Variants in ANKS1B observed in about 807,000 individuals in gnomAD.
The protein encoded by ANKS1B is ankyrin repeat and sterile alpha motif domain-containing protein 1B.
In ANKS1B, 36 loss-of-function variants were observed where a neutral mutation model predicts 148.3. That is an observed-to-expected ratio of 0.24 (90% CI 0.19 to 0.32). The LOEUF is 0.32. Ranked by LOEUF, ANKS1B falls within the 10% of genes least tolerant of loss-of-function variation. The probability of loss-of-function intolerance (pLI) is 1.00; values close to 1 mark genes in which losing one functional copy is unlikely to be tolerated. For synonymous variants in ANKS1B, 542 were observed against 560.8 expected (o/e 0.97, Z 0.47); for missense variants, 1,157 against 1,542.6 (o/e 0.75, Z 4.19).
chr12:99,942,931 T>C (rs533027161), intron 1 of ANKS1B, among the ~76,000 whole-genome samples: 4 of 152,270 alleles, frequency 2.6e-5, no homozygotes, highest in Non-Finnish European at 5.9e-5. Context: ...CTTATCTGTG[T>C]TATCAGGGTA....
At chr12:99,977,702 T>G (rs2095646155) in intron 1 of ANKS1B, among the ~76,000 whole-genome samples, 1 of 152,162 alleles carries the variant, frequency 6.6e-6, no homozygotes, top group Admixed American at 6.5e-5. Context: ...ACAAGAAAAT[T>G]CAATGAGTTT....
chr12:99,677,333 TG>T (rs2098582159), intron 8 of ANKS1B, among the ~76,000 whole-genome samples: 1 of 151,788 alleles, frequency 6.6e-6, no homozygotes, highest in African/African-American at 2.4e-5. Flanking sequence ...CCAAACTGTT[TG>T]TTTTTTTATT....
At chr12:99,374,081 T>C (rs1742274945) in intron 12 of ANKS1B, among the ~76,000 whole-genome samples, 2 of 152,206 alleles carry the variant, frequency 1.3e-5, no homozygotes, top group Admixed American at 6.5e-5. Context: ...CTAGCTTAGG[T>C]TGTTTTAATC....
Position 99,872,157 on chromosome 12 carries a change from G to A in ANKS1B, c.135-46768C>T, listed in dbSNP as rs145104288. The stretch of plus-strand genomic sequence containing the variant: ...AAGAACTACTCATGTATTTCCAGGC[G>A]GAGTATAAATTTTTTACAGCCACTC... On this transcript the variant is annotated intron_variant, in intron 1 of 26. Coordinates refer to ENST00000683438, the MANE Select transcript of ANKS1B (RefSeq NM_001352186.2). Among the ~76,000 whole-genome samples the A allele has an allele frequency of 9.4e-3, 1,428 of 152,100 alleles. 13 individuals carry two copies. The highest frequency in any genetic ancestry group is 0.014 in the Non-Finnish European group (981 of 67,926).
intron 10 of ANKS1B, among the ~76,000 whole-genome samples, chr12:99,446,004 T>C (rs988756575): frequency 6.6e-6 from 1 of 151,960 alleles, no homozygotes; most frequent in African/African-American, 2.4e-5. Flanking sequence ...ATTATAGCCA[T>C]GAGCCACTGC....
At chr12:98,859,824 G>A (rs898467929) in intron 17 of ANKS1B, among the ~76,000 whole-genome samples, 4 of 152,152 alleles carry the variant, frequency 2.6e-5, no homozygotes, top group African/African-American at 4.8e-5. Context: ...GGCCTTTTGG[G>A]AGGGAGGCTT....
intron 9 of ANKS1B, among the ~76,000 whole-genome samples, chr12:99,565,227 A>T (rs2097375955): frequency 6.6e-6 from 1 of 152,196 alleles, no homozygotes; most frequent in Non-Finnish European, 1.5e-5. Context: ...GAAATAGAGG[A>T]CATAGTGGTA....
intron 10 of ANKS1B, among the ~76,000 whole-genome samples, chr12:99,460,154 T>C (rs758440169): frequency 1.3e-5 from 2 of 151,778 alleles, no homozygotes; most frequent in African/African-American, 4.8e-5. Context: ...CAAACAAAAA[T>C]ATAAAGTGCA....
In ANKS1B at chr12:99,069,392, A is replaced by G. The variant is rs529997939; in HGVS notation, c.2625+15533T>C. Among the ~76,000 whole-genome samples the G allele has an allele frequency of 1.5e-4, 23 of 152,254 alleles. 1 individual carries two copies. In the South Asian group the frequency reaches 3.7e-3, roughly 25 times the overall value. ...AATCTCTTGTACATCTGTGGGGAAA[A>G]TTTCACATTCAAAACTTTCTTATGA... On this transcript the variant is annotated intron_variant, in intron 16 of 26. Transcript: ENST00000683438.
In ANKS1B at chr12:99,059,788, C is replaced by CATATATATATATATATAT. The variant is rs759625732; in HGVS notation, c.2626-6497_2626-6480dup. 7.2e-3 allele frequency among the ~76,000 whole-genome samples: 648 copies of CATATATATATATATATAT among 90,252 alleles called. 38 individuals are homozygous for CATATATATATATATATAT. The highest frequency in any genetic ancestry group is 0.033 in the East Asian group (65 of 1,950). The allele number at this position is 90,252 out of a possible 152,430, so 59.2% of individuals were successfully genotyped here. On this transcript the variant is annotated intron_variant, in intron 16 of 26. Transcript: ENST00000683438. The stretch of plus-strand genomic sequence containing the variant: ...TAAGCCCAAAGACAAAACTAAAATT[C>CATATATATATATATATAT]ATATATATATATATATATGATAGGA...
intron 9 of ANKS1B, among the ~76,000 whole-genome samples, chr12:99,520,790 T>G (rs570620018): frequency 6.6e-6 from 1 of 152,160 alleles, no homozygotes. Flanking sequence ...GTGTTTTTTG[T>G]TTTGTTTAGT....
intron 9 of ANKS1B, among the ~76,000 whole-genome samples, chr12:99,542,529 C>T (rs138240919): frequency 0.018 from 2,677 of 151,902 alleles, 42 homozygotes; most frequent in Admixed American, 0.032. Flanking sequence ...AAAAAAAATC[C>T]GTGGTGCTTT....
chr12:98,887,829 T>C (rs898721841), intron 17 of ANKS1B, among the ~76,000 whole-genome samples: 1 of 152,168 alleles, frequency 6.6e-6, no homozygotes, highest in South Asian at 2.1e-4. Context: ...GCCAGACTGG[T>C]CTTGAACTTC....
At chr12:98,913,051 A>G (rs1044617468) in intron 17 of ANKS1B, among the ~76,000 whole-genome samples, 1 of 152,090 alleles carries the variant, frequency 6.6e-6, no homozygotes, top group African/African-American at 2.4e-5. Context: ...ATCATACACC[A>G]CTTTACTCAT....
intron 17 of ANKS1B, among the ~76,000 whole-genome samples, chr12:98,858,499 T>C (rs757495645): frequency 1.3e-5 from 2 of 152,160 alleles, no homozygotes; most frequent in Non-Finnish European, 2.9e-5. Context: ...CATGCTACCA[T>C]GCCTGGCTGT....
chr12:99,142,759 C>T (rs2071412399), intron 15 of ANKS1B, among the ~76,000 whole-genome samples: 1 of 152,100 alleles, frequency 6.6e-6, no homozygotes, highest in South Asian at 2.1e-4. Flanking sequence ...TTACCCCACT[C>T]CCTGCAACAA....
intron 9 of ANKS1B, among the ~76,000 whole-genome samples, chr12:99,587,963 G>A (rs1251165007): frequency 6.6e-6 from 1 of 152,146 alleles, no homozygotes; most frequent in Non-Finnish European, 1.5e-5. Context: ...AGGAGAAACA[G>A]GGGTGGTTAG....
intron 8 of ANKS1B, among the ~76,000 whole-genome samples, chr12:99,771,658 G>T (rs1331116682): frequency 6.6e-6 from 1 of 151,804 alleles, no homozygotes; most frequent in Non-Finnish European, 1.5e-5. Context: ...ATTTCATTTG[G>T]TAAAACTTAC....
At chr12:98,798,019 G>A (rs140449057) in intron 22 of ANKS1B, among the ~76,000 whole-genome samples, 1 of 152,232 alleles carries the variant, frequency 6.6e-6, no homozygotes, top group African/African-American at 2.4e-5. Flanking sequence ...CAAGGGACAC[G>A]TACAAAAGGA....
Sources: gnomAD v4.1 joint callset for allele counts (sites outside exome capture counted in the v4.1 genomes callset) on GRCh38, gnomAD v4.1.1 for gene constraint, MANE v1.5 for transcripts, NCBI Gene and HGNC (gene_info 2026-07-23, HGNC 2026-07-21) for gene names.